Variants in TBC1D5 observed in about 807,000 individuals in gnomAD.
TBC1D5 encodes the protein TBC1 domain family, member 5.
TBC1D5 carries 75 observed loss-of-function variants against 100.3 expected under a neutral mutation model. The ratio of observed to expected loss-of-function variants is 0.75; its 90% confidence interval spans 0.62 to 0.91. The LOEUF (loss-of-function observed/expected upper bound fraction) is 0.91, where lower values mean the gene tolerates loss of function less well. TBC1D5 is among the 40% of genes least tolerant of loss of function. The pLI is 0.00. For missense variants in TBC1D5, 910 were observed against 942.4 expected (o/e 0.97, Z 0.45); for synonymous variants, 323 against 325.6 (o/e 0.99, Z 0.09).
chr3:17,510,040 T>C (rs1257748296), intron 2 of TBC1D5, among the ~76,000 whole-genome samples: 1 of 151,952 alleles, frequency 6.6e-6, no homozygotes, highest in Non-Finnish European at 1.5e-5. Context: ...TCATGCAAAA[T>C]AATGTAAGTA....
chr3:17,468,335 C>T (rs1451053994), intron 3 of TBC1D5, among the ~76,000 whole-genome samples: 3 of 152,230 alleles, frequency 2.0e-5, no homozygotes, highest in African/African-American at 7.2e-5. Flanking sequence ...AATGTCCTTG[C>T]CCCAAAACTT....
intron 1 of TBC1D5, among the ~76,000 whole-genome samples, chr3:17,737,825 C>CA (rs11374153): frequency 0.52 from 75,257 of 143,926 alleles, 20,627 homozygotes; most frequent in East Asian, 0.97. Context: ...TATTTTGTTT[C>CA]AAAAAAAAAA....
rs1476507104 is a variant in TBC1D5, at chr3:17,334,103, CA to C, written c.996-25970del. Among the ~76,000 whole-genome samples the C allele has an allele frequency of 2.6e-5, 4 of 152,004 alleles. No individual in the cohort carries two copies. The East Asian group carries it at 7.8e-4, about 30-fold the overall frequency. On this transcript the variant is annotated intron_variant, in intron 13 of 21. Transcript: ENST00000253692. The stretch of plus-strand genomic sequence containing the variant: ...GATAAGACTGAAAGGATTAAGGTGA[CA>C]AGTCAGAGAGTAGCATGCTTAAAAT...
chr3:17,692,646 ATTTT>A (rs1245264960), intron 1 of TBC1D5, among the ~76,000 whole-genome samples: 1 of 152,192 alleles, frequency 6.6e-6, no homozygotes, highest in Non-Finnish European at 1.5e-5. Context: ...ATGAAAATTA[ATTTT>A]TTTAAAAATT....
intron 1 of TBC1D5, among the ~76,000 whole-genome samples, chr3:17,735,964 A>C (rs1274135712): frequency 6.6e-6 from 1 of 152,192 alleles, no homozygotes; most frequent in African/African-American, 2.4e-5. Context: ...TCCCTGCTCT[A>C]ATGCCTGGGT....
chr3:17,494,298 C>T (rs1165419192), intron 3 of TBC1D5, among the ~76,000 whole-genome samples: 4 of 152,060 alleles, frequency 2.6e-5, no homozygotes, highest in Non-Finnish European at 5.9e-5. Flanking sequence ...CTGGGAGCTC[C>T]GTCCCAGAGG....
At chr3:17,237,775 C>T (rs2075974270) in intron 17 of TBC1D5, among the ~76,000 whole-genome samples, 3 of 152,324 alleles carry the variant, frequency 2.0e-5, no homozygotes, top group African/African-American at 7.2e-5. Flanking sequence ...AATGCACCAA[C>T]GAATGCTGTG....
At chr3:17,363,752 G>C (rs528275948) in intron 13 of TBC1D5, among the ~76,000 whole-genome samples, 23 of 151,622 alleles carry the variant, frequency 1.5e-4, no homozygotes, top group Non-Finnish European at 3.4e-4. Flanking sequence ...TTCACTATAT[G>C]TACTGGCCAT....
chr3:17,719,997 A>G (rs563994491), intron 1 of TBC1D5, among the ~76,000 whole-genome samples: 5 of 110,772 alleles, frequency 4.5e-5, no homozygotes, highest in South Asian at 3.6e-4. Flanking sequence ...ATGAATACTA[A>G]TATCACATGA....
chr3:17,700,049 G>A (rs1414392634), intron 1 of TBC1D5: 5 of 151,946 alleles, frequency 3.3e-5, no homozygotes, highest in African/African-American at 1.2e-4. Flanking sequence ...CTAGAGTTCT[G>A]GCAAGCTATG....
intron 18 of TBC1D5, among the ~76,000 whole-genome samples, chr3:17,200,321 G>A (rs2071303839): frequency 1.3e-5 from 2 of 152,324 alleles, no homozygotes; most frequent in South Asian, 2.1e-4. Flanking sequence ...GTAGTTGTTC[G>A]CGGCCTGTTA....
chr3:17,697,016 T>G (rs906798004), intron 1 of TBC1D5, among the ~76,000 whole-genome samples: 42 of 152,232 alleles, frequency 2.8e-4, no homozygotes, highest in African/African-American at 9.2e-4. Flanking sequence ...CATGATTATC[T>G]TAATAGATGC....
chr3:17,361,596 T>G (rs953222513), intron 13 of TBC1D5, among the ~76,000 whole-genome samples: 2 of 151,816 alleles, frequency 1.3e-5, no homozygotes, highest in Non-Finnish European at 2.9e-5. Flanking sequence ...TTAAAAGATA[T>G]CAGAATAATT....
At chr3:17,734,073 T>C (rs999198215) in intron 1 of TBC1D5, among the ~76,000 whole-genome samples, 5 of 152,126 alleles carry the variant, frequency 3.3e-5, no homozygotes, top group African/African-American at 7.2e-5. Context: ...CAATAATTTC[T>C]CCCAAATAAT....
chr3:17,460,005 T>C (rs922438115), intron 3 of TBC1D5, among the ~76,000 whole-genome samples: 3 of 152,350 alleles, frequency 2.0e-5, no homozygotes, highest in African/African-American at 7.2e-5. Flanking sequence ...CTATCTAATA[T>C]TTATACCTCT....
At chr3:17,226,279 C>T (rs2074890405) in intron 17 of TBC1D5, among the ~76,000 whole-genome samples, 1 of 149,982 alleles carries the variant, frequency 6.7e-6, no homozygotes, top group Admixed American at 6.7e-5. Flanking sequence ...AACCCATAAG[C>T]TACATACTGG....
At chr3:17,302,153 CTGAAGAGGAAAAATT>C (rs767220978) in intron 14 of TBC1D5, among the ~76,000 whole-genome samples, 1 of 152,126 alleles carries the variant, frequency 6.6e-6, no homozygotes, top group Non-Finnish European at 1.5e-5. Flanking sequence ...CATGTTTCTT[CTGAAGAGGAAAAATT>C]TGTTTCCTAT....
At position 17,458,785 on chromosome 3, in the gene TBC1D5, C is replaced by G. The variant is rs551701089; in HGVS notation, c.98-30266G>C. Among the ~76,000 whole-genome samples the G allele has an allele frequency of 4.6e-5, 7 of 152,270 alleles. No homozygotes were observed. The South Asian group carries it at 1.2e-3, about 27-fold the overall frequency. On this transcript the variant is annotated intron_variant, in intron 3 of 21. Transcript: ENST00000253692. ...CTTTCCAGCTCACTACATCTCTGAT[C>G]AGAAACCGTAAGTCATCCCAACTAC...
chr3:17,414,011 G>GA (rs2094002630), intron 4 of TBC1D5, among the ~76,000 whole-genome samples: 1 of 152,066 alleles, frequency 6.6e-6, no homozygotes, highest in South Asian at 2.1e-4. Flanking sequence ...GACAGTGGAA[G>GA]AAAAAAGAGA....
Sources: gnomAD v4.1 joint callset for allele counts (sites outside exome capture counted in the v4.1 genomes callset) on GRCh38, gnomAD v4.1.1 for gene constraint, MANE v1.5 for transcripts, NCBI Gene and HGNC (gene_info 2026-07-23, HGNC 2026-07-21) for gene names.